NFATC1: variants seen among roughly 807,000 people sequenced by gnomAD.
The protein encoded by NFATC1 is nuclear factor of activated T cells 1.
NFATC1 carries 22 observed loss-of-function variants against 76.0 expected under a neutral mutation model. The observed-to-expected ratio is 0.29, with a 90% CI of 0.21 to 0.41. The LOEUF (loss-of-function observed/expected upper bound fraction) is 0.41. Among genes scored for constraint, NFATC1 ranks in the 10% least tolerant of loss-of-function variants. The pLI is 1.00. For missense variants in NFATC1, 1,357 were observed against 1,337.7 expected (o/e 1.01, Z -0.23); for synonymous variants, 704 against 613.1 (o/e 1.15, Z -2.19).
chr18:79,451,394 G>A (rs1323773486), intron 5 of NFATC1, among the ~76,000 whole-genome samples: 2 of 152,256 alleles, frequency 1.3e-5, no homozygotes, highest in African/African-American at 2.4e-5. Context: ...CTCACGCTGC[G>A]CTGACCTTTG....
intron 3 of NFATC1, among the ~76,000 whole-genome samples, chr18:79,436,291 C>T (rs1423357533): frequency 6.6e-6 from 1 of 152,244 alleles, no homozygotes; most frequent in Non-Finnish European, 1.5e-5. Context: ...CTGGTCAGAG[C>T]CACTGGGAGC....
chr18:79,463,302 T>C (rs55797387), intron 7 of NFATC1, among the ~76,000 whole-genome samples: 47,276 of 152,020 alleles, frequency 0.31, 7,372 homozygotes, highest in East Asian at 0.37. Flanking sequence ...GGCAGGCCAG[T>C]GTTCAGAGGA....
intron 6 of NFATC1, 150 bp downstream of exon 6, chr18:79,451,966 GT>G (rs2087494689): frequency 1.1e-6 from 1 of 885,688 alleles, no homozygotes; most frequent in Admixed American, 3.6e-5. Flanking sequence ...CGTGGCCCGT[GT>G]CTGCATCCGG....
intron 7 of NFATC1, among the ~76,000 whole-genome samples, chr18:79,463,196 C>T (rs920875054): frequency 6.6e-6 from 1 of 152,234 alleles, no homozygotes; most frequent in African/African-American, 2.4e-5. Flanking sequence ...CTCAGGCCTC[C>T]CCTGAAGCTC....
Position 79,436,833 on chromosome 18 carries a change from G to A in NFATC1, c.1386+3095G>A, listed in dbSNP as rs535472062. Reference sequence around the variant, plus strand: ...GGGCCTTTCCTTCAGAGGGAAGGAGGCCAGCCCCCTCCAGTGAGCACTGAG... The same window carrying A: ...GGGCCTTTCCTTCAGAGGGAAGGAGACCAGCCCCCTCCAGTGAGCACTGAG... On this transcript the variant is annotated intron_variant, in intron 3 of 9. Transcript: ENST00000427363. 3.9e-5 allele frequency among the ~76,000 whole-genome samples: 6 copies of A among 152,174 alleles called. No individual in the cohort carries two copies. The South Asian group carries it at 1.2e-3, about 32-fold the overall frequency.
chr18:79,504,806 AGGGAAGAGGCAGGAGAC>A, intron 9 of NFATC1, among the ~76,000 whole-genome samples: 3 of 149,758 alleles, frequency 2.0e-5, no homozygotes, highest in South Asian at 4.3e-4. Flanking sequence ...CCCTTGGGTG[AGGGAAGAGGCAGGAGAC>A]TGCTGTGTGG....
At chr18:79,509,020 A>G (rs1017646511) in intron 9 of NFATC1, among the ~76,000 whole-genome samples, 4 of 151,950 alleles carry the variant, frequency 2.6e-5, no homozygotes, top group African/African-American at 7.3e-5. Context: ...CTGCCGTGCC[A>G]GGTGTCTGTG....
chr18:79,442,213 C>G (rs528623079), intron 3 of NFATC1, among the ~76,000 whole-genome samples: 1 of 152,304 alleles, frequency 6.6e-6, no homozygotes, highest in African/African-American at 2.4e-5. Flanking sequence ...GCTGCTCTTC[C>G]GGAGAGACGT....
At position 79,396,327 on chromosome 18, in the gene NFATC1, G is replaced by A. The variant is rs889464500; in HGVS notation, c.103G>A (p.Gly35Ser). The change falls in exon 1 of 10, where the codon GGC (glycine) becomes AGC (serine). Residue 35 changes from glycine to serine, a missense_variant. Gly to Ser is a moderately conservative substitution (Grantham distance 56, BLOSUM62 0). Around this residue, in one of 3 missense-constraint regions of NFATC1, gnomAD observed 691 missense variants for 613.1 expected, o/e 1.13. Transcript: ENST00000427363. ...TTTGGGGCCCGCGCCGCGCGCCGGC[G>A]GCACCATGAAGTCAGCGGAGGAAGG... ...ETLGPAPRAG[G>S]TMKSAEEEHY... 5.0e-6 allele frequency: 7 copies of A among 1,409,710 alleles called. No homozygotes were observed. In the African/African-American group the frequency reaches 7.5e-5, roughly 15 times the overall value. The allele number at this position is 1,409,710 out of a possible 1,614,324, so 87.3% of individuals were successfully genotyped here.
chr18:79,445,917 C>T (rs936677301), intron 3 of NFATC1, among the ~76,000 whole-genome samples: 1 of 152,208 alleles, frequency 6.6e-6, no homozygotes, highest in Non-Finnish European at 1.5e-5. Context: ...CATCCACTAC[C>T]CACCATGTCA....
At chr18:79,447,861 C>A (rs1263146092) in intron 3 of NFATC1, among the ~76,000 whole-genome samples, 1 of 152,228 alleles carries the variant, frequency 6.6e-6, no homozygotes, top group African/African-American at 2.4e-5. Context: ...ACGCGTGGTG[C>A]AGAGAAGGAG....
intron 2 of NFATC1, among the ~76,000 whole-genome samples, chr18:79,412,116 G>A (rs1218727093): frequency 2.0e-5 from 3 of 152,340 alleles, no homozygotes; most frequent in East Asian, 1.9e-4. Flanking sequence ...GGGAGCTCAC[G>A]CGCCTTCCTT....
rs2087476882 is a variant in NFATC1, at chr18:79,451,613, A to ACACGTGTGCCC, written c.1763-60_1763-50dup. The ACACGTGTGCCC allele has an allele frequency of 2.8e-6, 4 of 1,438,218 alleles. No homozygotes were observed. The South Asian group carries it at 6.4e-5, about 23-fold the overall frequency. The allele number at this position is 1,438,218 out of a possible 1,614,324, so 89.1% of individuals were successfully genotyped here. ...GCTCACGTGTGACCTGCTGGGTGCC[A>ACACGTGTGCCC]CACGTGTGCCCCAGGCCGCCCACTC... On this transcript the variant is annotated intron_variant, in intron 5 of 9. Coordinates refer to ENST00000427363, the MANE Select transcript of NFATC1 (RefSeq NM_001278669.2).
intron 7 of NFATC1, among the ~76,000 whole-genome samples, chr18:79,461,828 C>T (rs1483909230): frequency 6.6e-6 from 1 of 152,220 alleles, no homozygotes; most frequent in Non-Finnish European, 1.5e-5. Context: ...CAGGGCTCTG[C>T]GGCATCCCCA....
At chr18:79,458,734 G>A (rs971791571) in intron 6 of NFATC1, among the ~76,000 whole-genome samples, 3 of 152,236 alleles carry the variant, frequency 2.0e-5, no homozygotes, top group South Asian at 2.1e-4. Context: ...TGAACAGCAC[G>A]GGGGCCGGCG....
intron 3 of NFATC1, among the ~76,000 whole-genome samples, chr18:79,437,953 G>A (rs895511889): frequency 2.6e-5 from 4 of 152,248 alleles, no homozygotes; most frequent in African/African-American, 9.6e-5. Flanking sequence ...CCCCTTCTCT[G>A]GCCAGGGAGG....
At chr18:79,512,973 C>G (rs1482491816) in intron 9 of NFATC1, among the ~76,000 whole-genome samples, 3 of 152,256 alleles carry the variant, frequency 2.0e-5, no homozygotes, top group Non-Finnish European at 4.4e-5. Context: ...ACCCACCTGG[C>G]TCATGTGCCT....
chr18:79,439,582 G>A (rs924089860), intron 3 of NFATC1, among the ~76,000 whole-genome samples: 5 of 152,198 alleles, frequency 3.3e-5, no homozygotes, highest in Admixed American at 6.5e-5. Context: ...ACTGCTAAGC[G>A]CATAAACGCA....
chr18:79,418,736 G>A (rs551413909), intron 2 of NFATC1, among the ~76,000 whole-genome samples: 1 of 152,354 alleles, frequency 6.6e-6, no homozygotes, highest in African/African-American at 2.4e-5. Flanking sequence ...GCATTTGGCA[G>A]CCCACGGTTT....
Sources: gnomAD v4.1 joint callset for allele counts (sites outside exome capture counted in the v4.1 genomes callset) on GRCh38, gnomAD v4.1.1 for gene constraint, gnomAD v4.1.1 regional missense constraint, MANE v1.5 for transcripts, NCBI Gene and HGNC (gene_info 2026-07-23, HGNC 2026-07-21) for gene names.